The following RABGAP1L variants were observed in gnomAD, a reference collection of about 807,000 sequenced individuals.
RABGAP1L encodes the protein rab GTPase-activating protein 1-like.
In RABGAP1L, 63 loss-of-function variants were observed where a neutral mutation model predicts 137.7. That is an observed-to-expected ratio of 0.46 (90% CI 0.37 to 0.56). RABGAP1L has a LOEUF of 0.56. Among genes scored for constraint, RABGAP1L ranks in the 20% least tolerant of loss-of-function variants. The probability of loss-of-function intolerance (pLI) is 0.00; values close to 1 mark genes in which losing one functional copy is unlikely to be tolerated. For synonymous variants in RABGAP1L, 431 were observed against 433.7 expected (o/e 0.99, Z 0.08); for missense variants, 1,095 against 1,244.0 (o/e 0.88, Z 1.80).
intron 1 of RABGAP1L, among the ~76,000 whole-genome samples, chr1:174,212,712 G>A (rs1668991950): frequency 6.6e-6 from 1 of 151,948 alleles, no homozygotes; most frequent in Non-Finnish European, 1.5e-5. Flanking sequence ...AAATTAATTT[G>A]ACATGAAGAA....
At chr1:174,723,254 T>C (rs867302436) in intron 17 of RABGAP1L, among the ~76,000 whole-genome samples, 1 of 152,126 alleles carries the variant, frequency 6.6e-6, no homozygotes, top group Non-Finnish European at 1.5e-5. Flanking sequence ...TTTGTATTTT[T>C]AGTAGAAACA....
intron 13 of RABGAP1L, among the ~76,000 whole-genome samples, chr1:174,635,429 G>C (rs1333781084): frequency 1.3e-5 from 2 of 152,068 alleles, no homozygotes; most frequent in Non-Finnish European, 2.9e-5. Context: ...GAAAACTTTG[G>C]TTTGCCTGGT....
chr1:174,622,052 T>C (rs530085233), intron 13 of RABGAP1L, among the ~76,000 whole-genome samples: 60 of 152,174 alleles, frequency 3.9e-4, no homozygotes, highest in Middle Eastern at 3.4e-3. Flanking sequence ...AGGATATGAA[T>C]AGACAGTTCT....
intron 13 of RABGAP1L, among the ~76,000 whole-genome samples, chr1:174,490,720 A>G (rs142720563): frequency 1.0e-3 from 153 of 152,242 alleles, no homozygotes; most frequent in African/African-American, 3.4e-3. Context: ...GCTAGGGACT[A>G]GAATGAAAAC....
At chr1:174,187,671 G>A (rs187328813) in intron 1 of RABGAP1L, among the ~76,000 whole-genome samples, 30 of 152,168 alleles carry the variant, frequency 2.0e-4, no homozygotes, top group African/African-American at 7.0e-4. Context: ...TTTAAAACAT[G>A]GGGGCAATGT....
intron 11 of RABGAP1L, among the ~76,000 whole-genome samples, chr1:174,361,950 A>G (rs957201934): frequency 7.2e-5 from 11 of 152,060 alleles, no homozygotes; most frequent in African/African-American, 2.7e-4. Flanking sequence ...CAGCCATCCG[A>G]TAGACCCTAG....
chr1:174,953,035 CAAAAAA>C (rs34788853), intron 19 of RABGAP1L, among the ~76,000 whole-genome samples: 2 of 97,360 alleles, frequency 2.1e-5, no homozygotes, highest in Admixed American at 1.1e-4. Flanking sequence ...GGGTGGCATG[CAAAAAA>C]AAAAAAAAAA....
intron 17 of RABGAP1L, among the ~76,000 whole-genome samples, chr1:174,722,061 A>T (rs766406810): frequency 6.6e-6 from 1 of 151,806 alleles, no homozygotes; most frequent in Non-Finnish European, 1.5e-5. Flanking sequence ...CCTCCCTAGT[A>T]GTTGGGATTA....
At chr1:174,804,393 C>T (rs111348625) in intron 18 of RABGAP1L, among the ~76,000 whole-genome samples, 2,132 of 151,974 alleles carry the variant, frequency 0.014, 33 homozygotes, top group South Asian at 0.026. Context: ...ACCTCATCCT[C>T]CTGAGCAGCT....
chr1:174,544,010 C>T (rs751324390), intron 13 of RABGAP1L, among the ~76,000 whole-genome samples: 2 of 152,198 alleles, frequency 1.3e-5, no homozygotes, highest in Non-Finnish European at 2.9e-5. Flanking sequence ...CGACCTTTCT[C>T]TCTGGCTGCC....
At chr1:174,682,003 G>A (rs981804628) in intron 14 of RABGAP1L, among the ~76,000 whole-genome samples, 1 of 152,076 alleles carries the variant, frequency 6.6e-6, no homozygotes, top group Admixed American at 6.6e-5. Flanking sequence ...TTGGCAGGCC[G>A]GGCATGGTGG....
chr1:174,489,144 A>C (rs550368908), intron 13 of RABGAP1L, among the ~76,000 whole-genome samples: 2 of 152,208 alleles, frequency 1.3e-5, no homozygotes, highest in South Asian at 4.2e-4. Flanking sequence ...TAAAACACCA[A>C]AAACAATGGC....
At chr1:174,365,010 C>T (rs1035200832) in intron 11 of RABGAP1L, among the ~76,000 whole-genome samples, 1 of 152,194 alleles carries the variant, frequency 6.6e-6, no homozygotes, top group Non-Finnish European at 1.5e-5. Flanking sequence ...AGATGCAAGA[C>T]AGAGTCCTCT....
intron 15 of RABGAP1L, among the ~76,000 whole-genome samples, chr1:174,694,897 T>A (rs971675358): frequency 2.0e-5 from 3 of 151,752 alleles, no homozygotes; most frequent in Non-Finnish European, 2.9e-5. Flanking sequence ...CCATTCTAAC[T>A]GGTGTGAGAT....
At chr1:174,378,248 G>A (rs1685751489) in intron 12 of RABGAP1L, among the ~76,000 whole-genome samples, 1 of 151,442 alleles carries the variant, frequency 6.6e-6, no homozygotes, top group Non-Finnish European at 1.5e-5. Flanking sequence ...ATAAACATAC[G>A]TGTGTATGTG....
intron 13 of RABGAP1L, among the ~76,000 whole-genome samples, chr1:174,548,841 T>G (rs915457583): frequency 6.6e-6 from 1 of 152,212 alleles, no homozygotes; most frequent in Non-Finnish European, 1.5e-5. Flanking sequence ...GGTAGCATAT[T>G]TACAAGCTTA....
chr1:174,574,407 A>G (rs1048332763), intron 13 of RABGAP1L, among the ~76,000 whole-genome samples: 3 of 152,136 alleles, frequency 2.0e-5, no homozygotes, highest in Admixed American at 1.3e-4. Flanking sequence ...CTGAAGGCTC[A>G]TATCGATCTT....
intron 17 of RABGAP1L, among the ~76,000 whole-genome samples, chr1:174,708,001 G>T (rs1344704397): frequency 6.6e-6 from 1 of 152,210 alleles, no homozygotes; most frequent in Non-Finnish European, 1.5e-5. Flanking sequence ...GGTGTTTGAA[G>T]TTGACTCTTC....
Position 174,221,173 on chromosome 1 carries a change from T to C in RABGAP1L, c.331+9T>C. 1 of 1,525,520 alleles carries C rather than the reference T, an allele frequency of 6.6e-7. No individual in the cohort carries two copies. The highest frequency in any genetic ancestry group is 8.8e-7 in the Non-Finnish European group (1 of 1,134,804). The allele number at this position is 1,525,520 out of a possible 1,614,324, so 94.5% of individuals were successfully genotyped here. Reference sequence around the variant, plus strand: ...GGATCCGTCTAACACAGGTACTGTATTGAATTCTTAGAAACTATTAAAGAA... The same window carrying C: ...GGATCCGTCTAACACAGGTACTGTACTGAATTCTTAGAAACTATTAAAGAA... On this transcript the variant is annotated intron_variant, in intron 3 of 25. Coordinates refer to ENST00000681986, the MANE Select transcript of RABGAP1L (RefSeq NM_001366446.1).
Sources: allele counts gnomAD v4.1 joint callset (sites outside exome capture counted in the v4.1 genomes callset), GRCh38; gene constraint gnomAD v4.1.1; transcripts MANE v1.5; gene names NCBI Gene and HGNC (gene_info 2026-07-23, HGNC 2026-07-21).